The following PTPN2 variants were observed in gnomAD, a reference collection of about 807,000 sequenced individuals.
PTPN2 encodes the protein protein tyrosine phosphatase non-receptor type 2, also known as tyrosine-protein phosphatase non-receptor type 2.
A neutral mutation model predicts 57.3 loss-of-function variants in PTPN2; 19 were observed. The ratio of observed to expected loss-of-function variants is 0.33; its 90% CI spans 0.23 to 0.49. The LOEUF (loss-of-function observed/expected upper bound fraction) is 0.49. Among genes scored for constraint, PTPN2 ranks in the 20% least tolerant of loss-of-function variants. The pLI, the probability that PTPN2 is intolerant of heterozygous loss-of-function variation, is 0.99. For synonymous variants in PTPN2, 153 were observed against 164.9 expected, an observed-to-expected ratio of 0.93 and a Z score of 0.55; for missense variants, 358 against 501.1, an observed-to-expected ratio of 0.71 and a Z score of 2.73.
chr18:12,815,930 A>C (rs1195658253), intron 6 of PTPN2, among the ~76,000 whole-genome samples: 1 of 152,228 alleles, frequency 6.6e-6, no homozygotes, highest in Non-Finnish European at 1.5e-5. Context: ...AAGAATGCTG[A>C]CATAACTGCA....
At chr18:12,830,593 T>C (rs1368078692) in intron 4 of PTPN2, among the ~76,000 whole-genome samples, 1 of 152,104 alleles carries the variant, frequency 6.6e-6, no homozygotes, top group African/African-American at 2.4e-5. Context: ...AAATGTAGAA[T>C]AAAGTAAGAA....
chr18:12,817,012 G>A, intron 6 of PTPN2, 144 bp downstream of exon 6: 3 of 740,112 alleles, frequency 4.1e-6, no homozygotes, highest in South Asian at 3.9e-5. Flanking sequence ...GTGGAAATGA[G>A]ATTTTTAGGT....
chr18:12,792,316 C>T lies in PTPN2; in HGVS notation c.*1962G>A. The T allele has an allele frequency of 2.4e-6, 2 of 846,060 alleles. No homozygotes were observed. Among genetic ancestry groups the T allele is most frequent in the Non-Finnish European group, 2.8e-6 (2 of 717,144 alleles). 52.4% of individuals were successfully genotyped at this position (846,060 alleles called of 1,614,324 possible). ...TTTTTTTTTTTGAGACGAAGTCTTG[C>T]TCTGTTGCCAGGCTGGAGTGCAGTG... On this transcript the variant is annotated 3_prime_UTR_variant, in exon 9 of 9. Coordinates refer to ENST00000309660, the MANE Select transcript of PTPN2 (RefSeq NM_002828.4).
chr18:12,870,450 T>TAG (rs1598886807), intron 1 of PTPN2, among the ~76,000 whole-genome samples: 6 of 34,428 alleles, frequency 1.7e-4, no homozygotes, highest in Non-Finnish European at 1.9e-4. Context: ...TGTATATATA[T>TAG]ATATATATAT....
intron 1 of PTPN2, among the ~76,000 whole-genome samples, chr18:12,865,023 C>A (rs1291855642): frequency 6.6e-6 from 1 of 152,154 alleles, no homozygotes; most frequent in Non-Finnish European, 1.5e-5. Context: ...GTATACTTCA[C>A]ATAAAGTCAT....
chr18:12,874,277 AGCCGCCCCGTCCG>A (rs1227544863), intron 1 of PTPN2, among the ~76,000 whole-genome samples: 1 of 133,900 alleles, frequency 7.5e-6, no homozygotes, highest in Admixed American at 7.4e-5. Context: ...CCGCCCGGCC[AGCCGCCCCGTCCG>A]GGAGGGAGGT....
chr18:12,836,981 A>G (rs1487155693), intron 2 of PTPN2, 90 bp from the exon 3 acceptor site: 1 of 763,932 alleles, frequency 1.3e-6, no homozygotes, highest in African/African-American at 1.8e-5. Flanking sequence ...ATAAAAAGAC[A>G]GAAGAAATAA....
chr18:12,785,686 C>T, exon 10 of PTPN2: 1 of 775,542 alleles, frequency 1.3e-6, no homozygotes, highest in Non-Finnish European at 2.2e-6. Context: ...GTAAAGTTTA[C>T]TTTGTAAACA....
At chr18:12,801,576 T>A (rs2041426586) in intron 8 of PTPN2, among the ~76,000 whole-genome samples, 1 of 152,142 alleles carries the variant, frequency 6.6e-6, no homozygotes, top group Non-Finnish European at 1.5e-5. Flanking sequence ...TATTTATTAT[T>A]ATTATTTATG....
intron 7 of PTPN2, 30 bp from the exon 8 acceptor site, chr18:12,802,181 T>G (rs375512827): frequency 6.7e-7 from 1 of 1,490,524 alleles, no homozygotes; most frequent in Admixed American, 2.2e-5. Flanking sequence ...GAAAAACAAA[T>G]GCAAACATTA....
chr18:12,843,457 A>G (rs1276871964), intron 2 of PTPN2, among the ~76,000 whole-genome samples: 1 of 152,122 alleles, frequency 6.6e-6, no homozygotes, highest in East Asian at 1.9e-4. Context: ...CCTCACCCCA[A>G]TCCCGAGTAC....
downstream of PTPN2, among the ~76,000 whole-genome samples, chr18:12,788,420 G>A (rs1245940037): frequency 8.1e-6 from 1 of 123,318 alleles, no homozygotes; most frequent in Non-Finnish European, 1.7e-5. Flanking sequence ...CGCCCAGAGA[G>A]GGGGATCAGG....
At chr18:12,843,173 G>A (rs994163112) in intron 2 of PTPN2, among the ~76,000 whole-genome samples, 3 of 152,048 alleles carry the variant, frequency 2.0e-5, no homozygotes, top group Non-Finnish European at 2.9e-5. Flanking sequence ...CCAGAAAAGG[G>A]TGACTACTAC....
At chr18:12,829,638 A>T (rs1444866092) in intron 4 of PTPN2, among the ~76,000 whole-genome samples, 1 of 152,114 alleles carries the variant, frequency 6.6e-6, no homozygotes, top group Non-Finnish European at 1.5e-5. Context: ...GTCCAAACCC[A>T]TAATAATTCA....
At chr18:12,868,079 G>GTAATC (rs1429044298) in intron 1 of PTPN2, among the ~76,000 whole-genome samples, 1 of 152,182 alleles carries the variant, frequency 6.6e-6, no homozygotes, top group Non-Finnish European at 1.5e-5. Context: ...ATGTGGGAAA[G>GTAATC]ACCCTTCTCT....
chr18:12,833,985 A>G (rs768824069), intron 3 of PTPN2, among the ~76,000 whole-genome samples: 12 of 152,190 alleles, frequency 7.9e-5, no homozygotes, highest in Non-Finnish European at 1.6e-4. Flanking sequence ...CTCGCATTAA[A>G]TGGGCAGGGC....
intron 4 of PTPN2, among the ~76,000 whole-genome samples, chr18:12,826,272 G>A (rs1159456828): frequency 2.0e-5 from 3 of 152,048 alleles, no homozygotes; most frequent in Admixed American, 6.5e-5. Flanking sequence ...GCGCGATGGC[G>A]GGCGCCTGTA....
At chr18:12,805,552 CA>C (rs967359492) in intron 7 of PTPN2, among the ~76,000 whole-genome samples, 5 of 151,626 alleles carry the variant, frequency 3.3e-5, no homozygotes, top group Admixed American at 3.3e-4. Context: ...CACGTTATGA[CA>C]AACCCATAGT....
rs143028938 is a variant in PTPN2 at position 12,879,909 on chromosome 18, A to C, written c.69+4164T>G. ...AGAAACATCACCCACTGCTGTGCTAAACAAAGCAGAAAGCCACCTTAAACA... is the reference window on the plus strand; with the variant it reads ...AGAAACATCACCCACTGCTGTGCTACACAAAGCAGAAAGCCACCTTAAACA... On this transcript the variant is annotated intron_variant, in intron 1 of 8. Transcript: ENST00000309660. 1.2e-3 allele frequency among the ~76,000 whole-genome samples: 186 copies of C among 152,382 alleles called. 8 individuals carry two copies. The East Asian group carries it at 0.033, about 27-fold the overall frequency.
Sources: gnomAD v4.1 joint callset for allele counts (sites outside exome capture counted in the v4.1 genomes callset) on GRCh38, gnomAD v4.1.1 for gene constraint, MANE v1.5 for transcripts, NCBI Gene and HGNC (gene_info 2026-07-23, HGNC 2026-07-21) for gene names.